Variants in OSBPL10 observed in about 807,000 individuals in gnomAD.
OSBPL10 encodes oxysterol binding protein like 10.
A neutral mutation model predicts 81.7 loss-of-function variants in OSBPL10; 49 were observed. The ratio of observed to expected loss-of-function variants is 0.60; its 90% CI spans 0.48 to 0.76. OSBPL10 has a LOEUF of 0.76. Among genes scored for constraint, OSBPL10 ranks in the 30% least tolerant of loss-of-function variants. The pLI is 0.00. For missense variants in OSBPL10, 923 were observed against 987.8 expected (o/e 0.93, Z 0.88); for synonymous variants, 419 against 383.6 (o/e 1.09, Z -1.08).
At chr3:31,839,519 GA>G (rs947691331) in intron 3 of OSBPL10, among the ~76,000 whole-genome samples, 4 of 149,864 alleles carry the variant, frequency 2.7e-5, no homozygotes, top group African/African-American at 7.3e-5. Context: ...TAGAAAAAAA[GA>G]AAAAAAACTT....
At chr3:31,957,267 T>G (rs2125455862) in intron 1 of OSBPL10, among the ~76,000 whole-genome samples, 1 of 152,286 alleles carries the variant, frequency 6.6e-6, no homozygotes, top group African/African-American at 2.4e-5. Flanking sequence ...TCCAAAGAAA[T>G]AACCACAGAG....
intron 7 of OSBPL10, among the ~76,000 whole-genome samples, chr3:31,694,809 C>G (rs1575481089): frequency 6.6e-6 from 1 of 152,214 alleles, no homozygotes; most frequent in South Asian, 2.1e-4. Context: ...GACTGGAGTG[C>G]AATGGCACAA....
intron 9 of OSBPL10, among the ~76,000 whole-genome samples, chr3:31,669,370 C>A (rs144329145): frequency 1.1e-3 from 163 of 152,236 alleles, no homozygotes; most frequent in African/African-American, 3.6e-3. Flanking sequence ...CATTTTAACC[C>A]TAAAAAGTGT....
intron 1 of OSBPL10, among the ~76,000 whole-genome samples, chr3:31,912,511 GT>G (rs1186729884): frequency 6.6e-6 from 1 of 152,152 alleles, no homozygotes; most frequent in African/African-American, 2.4e-5. Flanking sequence ...AACAAGCAGT[GT>G]TTTCTAAACT....
intron 3 of OSBPL10, among the ~76,000 whole-genome samples, chr3:31,832,498 T>C (rs1349501648): frequency 6.6e-6 from 1 of 152,200 alleles, no homozygotes; most frequent in African/African-American, 2.4e-5. Context: ...ATTTACTGAA[T>C]ACCTACTATG....
At chr3:31,822,035 T>A (rs950959720) in intron 4 of OSBPL10, 2 of 152,252 alleles carry the variant, frequency 1.3e-5, no homozygotes, top group Non-Finnish European at 2.9e-5. Context: ...TCCGTATGTG[T>A]GTGTAGTAAG....
At chr3:31,858,438 T>C (rs950783072) in intron 3 of OSBPL10, among the ~76,000 whole-genome samples, 4 of 152,208 alleles carry the variant, frequency 2.6e-5, no homozygotes, top group African/African-American at 9.7e-5. Context: ...CAGGTACTGC[T>C]TGTTTCGCAG....
intron 4 of OSBPL10, among the ~76,000 whole-genome samples, chr3:31,820,582 G>A (rs1265402185): frequency 1.3e-5 from 2 of 151,872 alleles, no homozygotes; most frequent in East Asian, 1.9e-4. Context: ...GAGGCAGAGC[G>A]AGACTCCATC....
At chr3:31,706,039 T>C (rs1390770827) in intron 6 of OSBPL10, among the ~76,000 whole-genome samples, 2 of 152,144 alleles carry the variant, frequency 1.3e-5, no homozygotes, top group Non-Finnish European at 2.9e-5. Context: ...AAGCAGGCTT[T>C]GGAAAAATGA....
chr3:32,050,350 G>A (rs1183792844), intron 1 of OSBPL10, among the ~76,000 whole-genome samples: 1 of 152,128 alleles, frequency 6.6e-6, no homozygotes, highest in Non-Finnish European at 1.5e-5. Context: ...TCAATTTCTG[G>A]CTTTGGGAAT....
intron 7 of OSBPL10, among the ~76,000 whole-genome samples, chr3:31,696,779 TGA>T: frequency 6.6e-6 from 1 of 152,374 alleles, no homozygotes; most frequent in East Asian, 1.9e-4. Flanking sequence ...CTCACGGCTT[TGA>T]CCACCATCTA....
chr3:31,735,299 GC>G (rs1294410200), intron 5 of OSBPL10, among the ~76,000 whole-genome samples: 1 of 152,142 alleles, frequency 6.6e-6, no homozygotes, highest in African/African-American at 2.4e-5. Flanking sequence ...AATTAGCTGG[GC>G]ATGGTGACAT....
intron 3 of OSBPL10, among the ~76,000 whole-genome samples, chr3:31,833,676 G>C (rs1265179376): frequency 6.7e-6 from 1 of 149,062 alleles, no homozygotes; most frequent in Middle Eastern, 3.2e-3. Context: ...TAAATATCAA[G>C]ATTGTAGGGA....
intron 4 of OSBPL10, among the ~76,000 whole-genome samples, chr3:31,764,813 G>C (rs1698149091): frequency 6.6e-6 from 1 of 152,076 alleles, no homozygotes; most frequent in African/African-American, 2.4e-5. Context: ...ATATGATCGT[G>C]GGATAAAGAA....
At position 31,813,795 on chromosome 3, in the gene OSBPL10, G is replaced by A. The variant is rs142997805; in HGVS notation, c.729+16245C>T. Reference sequence around the variant, plus strand: ...ATGTGCCTTGGCCCTCTCTAAGCCCGGGTGTCCTCATCTGTACAGTGGGGA... The same window carrying A: ...ATGTGCCTTGGCCCTCTCTAAGCCCAGGTGTCCTCATCTGTACAGTGGGGA... On this transcript the variant is annotated intron_variant, in intron 4 of 11. Transcript: ENST00000396556. Among the ~76,000 whole-genome samples the A allele has an allele frequency of 4.0e-3, 602 of 152,268 alleles. 12 individuals are homozygous for A. The highest frequency in any genetic ancestry group is 0.036 in the South Asian group (171 of 4,814).
intron 2 of OSBPL10, among the ~76,000 whole-genome samples, chr3:32,002,155 C>CTCAT (rs1260694529): frequency 2.6e-5 from 4 of 152,188 alleles, no homozygotes; most frequent in African/African-American, 9.7e-5. Context: ...CATTCATTTA[C>CTCAT]TCATTCATTC....
chr3:31,743,080 C>T (rs1226168578), intron 5 of OSBPL10, among the ~76,000 whole-genome samples: 1 of 147,052 alleles, frequency 6.8e-6, no homozygotes, highest in Admixed American at 6.8e-5. Context: ...TTGCTCTGTC[C>T]CCCAGGCTGG....
At chr3:31,827,635 CAA>C (rs34122216) in intron 4 of OSBPL10, among the ~76,000 whole-genome samples, 5 of 132,002 alleles carry the variant, frequency 3.8e-5, no homozygotes, top group East Asian at 2.1e-4. Context: ...GACTCTGTCT[CAA>C]AAAAAAAAAA....
intron 1 of OSBPL10, among the ~76,000 whole-genome samples, chr3:31,965,779 TATAAATAGATAAG>T (rs1490909725): frequency 7.9e-5 from 6 of 75,660 alleles, no homozygotes; most frequent in East Asian, 8.5e-4. Context: ...ATATATATTA[TATAAATAGATAAG>T]ATATATTATC....
Sources: gnomAD v4.1 joint callset for allele counts (sites outside exome capture counted in the v4.1 genomes callset) on GRCh38, gnomAD v4.1.1 for gene constraint, MANE v1.5 for transcripts, NCBI Gene and HGNC (gene_info 2026-07-23, HGNC 2026-07-21) for gene names.